SH3PXD2A: variants seen among roughly 807,000 people sequenced by gnomAD.
The protein encoded by SH3PXD2A is SH3 and PX domain-containing protein 2A.
A neutral mutation model predicts 115.2 loss-of-function variants in SH3PXD2A; 32 were observed. The ratio of observed to expected loss-of-function variants is 0.28; its 90% CI spans 0.21 to 0.37. The LOEUF is 0.37. Ranked by LOEUF, SH3PXD2A falls within the 10% of genes least tolerant of loss-of-function variation. The probability of loss-of-function intolerance (pLI) is 1.00; values close to 1 mark genes in which losing one functional copy is unlikely to be tolerated. For synonymous variants in SH3PXD2A, 610 were observed against 629.1 expected (o/e 0.97, Z 0.45); for missense variants, 1,328 against 1,498.7 (o/e 0.89, Z 1.88).
chr10:103,600,573 T>C lies in SH3PXD2A; in HGVS notation c.*1243A>G, dbSNP rs1337360479. ...GCCCAGCTGGGGAACACACGCAGAATGGCGGTCACCCAGCAGGCTGGGAGC... is the reference window on the plus strand; with the variant it reads ...GCCCAGCTGGGGAACACACGCAGAACGGCGGTCACCCAGCAGGCTGGGAGC... On this transcript the variant is annotated 3_prime_UTR_variant, in exon 15 of 15. Transcript: ENST00000369774. 2 of 152,266 alleles carry C rather than the reference T, an allele frequency of 1.3e-5. No homozygotes were observed. The highest frequency in any genetic ancestry group is 2.4e-5 in the African/African-American group (1 of 41,472). 9.4% of individuals were successfully genotyped at this position (152,266 alleles called of 1,614,324 possible). A position where few individuals can be genotyped will look rare whatever the true frequency, so the allele number is the denominator to read the frequency against.
At chr10:103,607,818 T>C (rs1159119623) in intron 13 of SH3PXD2A, among the ~76,000 whole-genome samples, 1 of 152,198 alleles carries the variant, frequency 6.6e-6, no homozygotes, top group Non-Finnish European at 1.5e-5. Flanking sequence ...GAAAAATTCT[T>C]CTGCCTTGGG....
intron 6 of SH3PXD2A, among the ~76,000 whole-genome samples, chr10:103,692,519 C>A (rs1329471116): frequency 4.6e-5 from 7 of 152,250 alleles, no homozygotes; most frequent in African/African-American, 1.7e-4. Context: ...GGTGCAGGCG[C>A]TAAAAACTCA....
chr10:103,767,763 C>T (rs12778775), intron 2 of SH3PXD2A, among the ~76,000 whole-genome samples: 33,968 of 149,828 alleles, frequency 0.23, 4,521 homozygotes, highest in African/African-American at 0.36. Context: ...TTTCCAAGGA[C>T]GGACCCACTG....
intron 2 of SH3PXD2A, among the ~76,000 whole-genome samples, chr10:103,777,763 G>A (rs2038894326): frequency 6.6e-6 from 1 of 152,160 alleles, no homozygotes; most frequent in African/African-American, 2.4e-5. Flanking sequence ...CACTAGGTTG[G>A]AGTCAACAGA....
intron 10 of SH3PXD2A, among the ~76,000 whole-genome samples, chr10:103,618,285 C>T (rs190907335): frequency 5.3e-4 from 81 of 152,320 alleles, no homozygotes; most frequent in Admixed American, 3.9e-3. Flanking sequence ...GTGCCACCCG[C>T]TTGGGTCCTT....
At chr10:103,658,841 C>T (rs902705516) in intron 8 of SH3PXD2A, among the ~76,000 whole-genome samples, 5 of 152,244 alleles carry the variant, frequency 3.3e-5, no homozygotes, top group Admixed American at 3.3e-4. Flanking sequence ...GCTCCAGCCC[C>T]TGCTTCCAAC....
chr10:103,697,593 C>T (rs150905942), intron 5 of SH3PXD2A, among the ~76,000 whole-genome samples: 116 of 152,296 alleles, frequency 7.6e-4, no homozygotes, highest in African/African-American at 2.7e-3. Flanking sequence ...AATGGACGCA[C>T]GCCTCTGGAC....
At chr10:103,693,801 T>G (rs2037791457) in intron 5 of SH3PXD2A, among the ~76,000 whole-genome samples, 1 of 152,026 alleles carries the variant, frequency 6.6e-6, no homozygotes, top group African/African-American at 2.4e-5. Context: ...CAGAGGATAC[T>G]GCAAGGTTAA....
intron 6 of SH3PXD2A, among the ~76,000 whole-genome samples, chr10:103,682,943 G>A (rs1308668288): frequency 6.6e-6 from 1 of 152,020 alleles, no homozygotes; most frequent in Non-Finnish European, 1.5e-5. Context: ...AGAACGCCTC[G>A]GAAATTGCTT....
chr10:103,611,752 A>G lies in SH3PXD2A; in HGVS notation c.1259-122T>C, dbSNP rs2036432583. 3.7e-6 allele frequency: 3 copies of G among 814,148 alleles called. No homozygotes were observed. In the Admixed American group the frequency reaches 5.6e-5, roughly 15 times the overall value. 50.4% of individuals were successfully genotyped at this position (814,148 alleles called of 1,614,324 possible). A position where few individuals can be genotyped will look rare whatever the true frequency, so the allele number is the denominator to read the frequency against. ...AAGTTCATGCTTTAGCTCAGCCTTT[A>G]TGAAGGACTTGACACTCTAAGTCAC... On this transcript the variant is annotated intron_variant, in intron 12 of 14. Coordinates refer to ENST00000369774, the MANE Select transcript of SH3PXD2A (RefSeq NM_001394015.1).
chr10:103,702,596 C>CGTGTGTGTGTGCGTGTGTGTGTGT (rs2037930376), intron 5 of SH3PXD2A, among the ~76,000 whole-genome samples: 1 of 147,448 alleles, frequency 6.8e-6, no homozygotes, highest in Admixed American at 6.8e-5. Flanking sequence ...TGTGTGTGTG[C>CGTGTGTGTGTGCGTGTGTGTGTGT]GTGTGTGTGT....
Position 103,756,690 on chromosome 10 carries a change from C to T in SH3PXD2A, c.229+10404G>A, listed in dbSNP as rs1046495194. ...TGAGGTGAAACACTCCTTCTGCCATCTTGGCCAGGGCTGCCCAGACAGAGC... is the reference window on the plus strand; with the variant it reads ...TGAGGTGAAACACTCCTTCTGCCATTTTGGCCAGGGCTGCCCAGACAGAGC... On this transcript the variant is annotated intron_variant, in intron 3 of 14. Coordinates refer to ENST00000369774, the MANE Select transcript of SH3PXD2A (RefSeq NM_001394015.1). The surrounding 1 kb of genome is among the most constrained non-coding windows in gnomAD (Gnocchi z 4.4). 2.6e-5 allele frequency among the ~76,000 whole-genome samples: 4 copies of T among 152,160 alleles called. No individual in the cohort carries two copies. Among genetic ancestry groups the T allele is most frequent in the Admixed American group, 6.5e-5 (1 of 15,284 alleles).
intron 2 of SH3PXD2A, among the ~76,000 whole-genome samples, chr10:103,779,012 C>A (rs527371386): frequency 1.3e-5 from 2 of 152,192 alleles, no homozygotes; most frequent in Non-Finnish European, 2.9e-5. Context: ...TGGCTCCTGG[C>A]AGAAGGAATA....
intron 3 of SH3PXD2A, 90 bp downstream of exon 3, chr10:103,767,004 A>G (rs961198571): frequency 6.3e-6 from 6 of 957,608 alleles, no homozygotes; most frequent in Non-Finnish European, 9.9e-6. Context: ...CCCGCCCAGA[A>G]TCTGCTGCTT....
intron 1 of SH3PXD2A, among the ~76,000 whole-genome samples, chr10:103,816,997 ATTTTTT>A (rs56260224): frequency 4.5e-4 from 45 of 99,598 alleles, no homozygotes; most frequent in African/African-American, 1.1e-3. Context: ...CACCCGGCTA[ATTTTTT>A]TTTTTTTTTT....
At chr10:103,691,635 C>A (rs1564865057) in intron 6 of SH3PXD2A, among the ~76,000 whole-genome samples, 1 of 152,094 alleles carries the variant, frequency 6.6e-6, no homozygotes, top group Non-Finnish European at 1.5e-5. Context: ...CACCCCAGAC[C>A]CAGGTGATAG....
chr10:103,777,511 A>C (rs966727482), intron 2 of SH3PXD2A, among the ~76,000 whole-genome samples: 5 of 152,256 alleles, frequency 3.3e-5, no homozygotes, highest in Non-Finnish European at 5.9e-5. Context: ...CCAGGACGTG[A>C]CATTTAACAT....
rs746890003 is a variant in SH3PXD2A, at chr10:103,602,479, G to A, written c.2739C>T (p.Pro913=). The change falls in exon 15 of 15, where the codon CCC becomes CCT. Residue 913 remains proline, a synonymous_variant. Coordinates refer to ENST00000369774, the MANE Select transcript of SH3PXD2A (RefSeq NM_001394015.1). ...TGCCTTCGTTCTGCCTGCCCTTGGC[G>A]GGCACTGTGTCCAGCTCTTTGCCAG... ...DPSGKELDTV[P]AKGRQNEGKS... is the part of the protein sequence containing the mutation. 32 of 1,613,972 alleles carry A rather than the reference G, an allele frequency of 2.0e-5. No homozygotes were observed. The highest frequency in any genetic ancestry group is 1.8e-4 in the South Asian group (16 of 91,084).
intron 1 of SH3PXD2A, among the ~76,000 whole-genome samples, chr10:103,836,004 C>T (rs1350049147): frequency 6.6e-6 from 1 of 152,102 alleles, no homozygotes; most frequent in African/African-American, 2.4e-5. Flanking sequence ...ATCCCAGTAC[C>T]GCGTCTTCCT....
Sources: allele counts gnomAD v4.1 joint callset (sites outside exome capture counted in the v4.1 genomes callset), GRCh38; gene constraint gnomAD v4.1.1; non-coding constraint Gnocchi (gnomAD v3.1); transcripts MANE v1.5; gene names NCBI Gene and HGNC (gene_info 2026-07-23, HGNC 2026-07-21).